FHIT: variants seen among roughly 807,000 people sequenced by gnomAD.
The protein encoded by FHIT is fragile histidine triad diadenosine triphosphatase.
In FHIT, 19 loss-of-function variants were observed where a neutral mutation model predicts 17.9. The observed-to-expected ratio is 1.06, with a 90% CI of 0.74 to 1.56. The LOEUF (loss-of-function observed/expected upper bound fraction) is 1.56. Among genes scored for constraint, FHIT ranks in the 40% most tolerant of loss-of-function variants. The pLI, the probability that FHIT is intolerant of heterozygous loss-of-function variation, is 0.00. For synonymous variants in FHIT, 81 were observed against 69.7 expected (o/e 1.16, Z -0.81); for missense variants, 248 against 189.2 (o/e 1.31, Z -1.82).
At chr3:59,921,853 G>A (rs1705420789) in intron 8 of FHIT, among the ~76,000 whole-genome samples, 1 of 152,226 alleles carries the variant, frequency 6.6e-6, no homozygotes, top group South Asian at 2.1e-4. Context: ...TTTATGATAT[G>A]TGAGTTACAC....
At chr3:60,330,035 T>A (rs2106847490) in intron 5 of FHIT, among the ~76,000 whole-genome samples, 1 of 152,328 alleles carries the variant, frequency 6.6e-6, no homozygotes, top group East Asian at 1.9e-4. Context: ...ATTGTGGTAA[T>A]CCAACATATT....
intron 7 of FHIT, among the ~76,000 whole-genome samples, chr3:59,954,784 G>T (rs1338449610): frequency 6.6e-6 from 1 of 152,146 alleles, no homozygotes; most frequent in Non-Finnish European, 1.5e-5. Flanking sequence ...TGCTAGGAGG[G>T]ACCAGGGAGA....
At chr3:60,016,520 C>T (rs1453427307) in intron 5 of FHIT, among the ~76,000 whole-genome samples, 1 of 152,218 alleles carries the variant, frequency 6.6e-6, no homozygotes, top group East Asian at 1.9e-4. Context: ...AGGGTCTATG[C>T]TGGAACTTAG....
At chr3:59,750,238 C>T (rs973431618) in intron 9 of FHIT, 2 of 225,856 alleles carry the variant, frequency 8.9e-6, no homozygotes, top group African/African-American at 2.2e-5. Context: ...CTAGAAAAAG[C>T]ATTCTAAGAC....
intron 8 of FHIT, among the ~76,000 whole-genome samples, chr3:59,913,813 T>C (rs575813855): frequency 1.3e-5 from 2 of 152,284 alleles, no homozygotes; most frequent in East Asian, 1.9e-4. Context: ...AGTTAAACAT[T>C]AAACAGTTTG....
chr3:59,923,896 G>T (rs1303368908), intron 7 of FHIT, among the ~76,000 whole-genome samples: 1 of 152,176 alleles, frequency 6.6e-6, no homozygotes, highest in Non-Finnish European at 1.5e-5. Context: ...GAGCTTCAAA[G>T]CAGCCCCTGA....
intron 2 of FHIT, among the ~76,000 whole-genome samples, chr3:61,183,317 A>AAT (rs1213499803): frequency 2.0e-5 from 3 of 151,984 alleles, no homozygotes; most frequent in African/African-American, 7.2e-5. Flanking sequence ...ATCAACCACA[A>AAT]GTGAATGAAT....
At chr3:61,076,478 T>C (rs1388184817) in intron 2 of FHIT, among the ~76,000 whole-genome samples, 1 of 152,184 alleles carries the variant, frequency 6.6e-6, no homozygotes, top group Non-Finnish European at 1.5e-5. Flanking sequence ...AGATGGTGAA[T>C]GCTGAACGGA....
chr3:60,517,562 T>C lies in FHIT; in HGVS notation c.103+19298A>G, dbSNP rs149550631. On this transcript the variant is annotated intron_variant, in intron 5 of 9. Coordinates refer to ENST00000492590, the MANE Select transcript of FHIT (RefSeq NM_002012.4). The stretch of plus-strand genomic sequence containing the variant: ...AAGGGTGGTCTTCAGTCCAATGGCC[T>C]GGTTAACTGGGAATTGCCATATATG... 2.0e-4 allele frequency among the ~76,000 whole-genome samples: 31 copies of C among 152,340 alleles called. No individual in the cohort carries two copies. The East Asian group carries it at 5.0e-3, about 25-fold the overall frequency.
chr3:61,203,555 A>C (rs536747174), intron 1 of FHIT, among the ~76,000 whole-genome samples: 41 of 152,336 alleles, frequency 2.7e-4, no homozygotes, highest in Non-Finnish European at 5.7e-4. Flanking sequence ...AACAAGAAGC[A>C]ATAGTAAACA....
intron 5 of FHIT, among the ~76,000 whole-genome samples, chr3:60,188,474 T>C (rs920304119): frequency 2.6e-5 from 4 of 152,186 alleles, no homozygotes. Flanking sequence ...AATGTGTGTA[T>C]GCTTTCCGCT....
intron 4 of FHIT, among the ~76,000 whole-genome samples, chr3:60,678,585 T>C (rs1042787015): frequency 1.3e-5 from 2 of 152,156 alleles, no homozygotes; most frequent in East Asian, 1.9e-4. Flanking sequence ...AATCTAGAGT[T>C]TGACAATTTC....
chr3:59,774,562 C>T (rs149124922), intron 8 of FHIT, among the ~76,000 whole-genome samples: 151 of 152,248 alleles, frequency 9.9e-4, no homozygotes, highest in African/African-American at 3.3e-3. Context: ...TTAAATAGTG[C>T]CTCATCCATA....
intron 4 of FHIT, among the ~76,000 whole-genome samples, chr3:60,816,557 G>A (rs1701746194): frequency 6.6e-6 from 1 of 151,840 alleles, no homozygotes; most frequent in Admixed American, 6.6e-5. Context: ...GCTCATGTTG[G>A]ACCAAATTTG....
At chr3:60,070,720 A>C (rs1339353591) in intron 5 of FHIT, among the ~76,000 whole-genome samples, 1 of 152,216 alleles carries the variant, frequency 6.6e-6, no homozygotes, top group Non-Finnish European at 1.5e-5. Flanking sequence ...CCTCTGTTCA[A>C]TATAAGGATA....
intron 4 of FHIT, among the ~76,000 whole-genome samples, chr3:60,786,391 T>C (rs56228932): frequency 0.19 from 28,371 of 152,190 alleles, 3,395 homozygotes; most frequent in African/African-American, 0.34. Flanking sequence ...TTGAAAGTTA[T>C]TAAGTCACTC....
chr3:60,019,415 C>CTTTTTTTTT (rs1281567026), intron 5 of FHIT, among the ~76,000 whole-genome samples: 7,296 of 120,212 alleles, frequency 0.061, 447 homozygotes, highest in East Asian at 0.21. Context: ...TGAGATGCTC[C>CTTTTTTTTT]TTTTTTTTTT....
chr3:59,842,714 A>G (rs1701577952), intron 8 of FHIT, among the ~76,000 whole-genome samples: 1 of 152,176 alleles, frequency 6.6e-6, no homozygotes, highest in Non-Finnish European at 1.5e-5. Flanking sequence ...TCTTCTCTGG[A>G]GAAGTGTCTA....
intron 5 of FHIT, among the ~76,000 whole-genome samples, chr3:60,089,953 T>G (rs544991411): frequency 6.6e-6 from 1 of 152,170 alleles, no homozygotes; most frequent in Non-Finnish European, 1.5e-5. Context: ...TTAAAATGAA[T>G]GGAACAACAA....
Sources: allele counts gnomAD v4.1 joint callset (sites outside exome capture counted in the v4.1 genomes callset), GRCh38; gene constraint gnomAD v4.1.1; transcripts MANE v1.5; gene names NCBI Gene and HGNC (gene_info 2026-07-23, HGNC 2026-07-21).